The following SPINK5 variants were observed in gnomAD, a reference collection of about 807,000 sequenced individuals.
SPINK5 encodes the protein serine protease inhibitor Kazal-type 5.
Under a neutral mutation model 151.8 loss-of-function variants are expected in SPINK5, and 125 were observed. The observed-to-expected ratio is 0.82, with a 90% CI of 0.71 to 0.96. The LOEUF (loss-of-function observed/expected upper bound fraction) is 0.96, where lower values mean the gene tolerates loss of function less well. Ranked by LOEUF, SPINK5 falls within the 40% of genes least tolerant of loss-of-function variation. The pLI, the probability that SPINK5 is intolerant of heterozygous loss-of-function variation, is 0.00. For missense variants in SPINK5, 1,194 were observed against 1,291.9 expected (o/e 0.92, Z 1.16); for synonymous variants, 374 against 395.3 (o/e 0.95, Z 0.64).
At chr5:148,108,001 A>G (rs1392758742) in intron 17 of SPINK5, among the ~76,000 whole-genome samples, 1 of 152,226 alleles carries the variant, frequency 6.6e-6, no homozygotes, top group African/African-American at 2.4e-5. Context: ...GTGGATGCAT[A>G]CAATTCCCTA....
At chr5:148,126,228 G>T (rs1414197885) in intron 29 of SPINK5, among the ~76,000 whole-genome samples, 1 of 152,024 alleles carries the variant, frequency 6.6e-6, no homozygotes, top group African/African-American at 2.4e-5. Flanking sequence ...GAATCTTGGG[G>T]CTATGGAATT....
In SPINK5 at chr5:148,137,113, C is replaced by A; in HGVS notation, c.*122C>A. ...GTCTTATTTGCTATAGAAAACAATA[C>A]AGAGCTTTTGGGAATGGACTCACTG... On this transcript the variant is annotated 3_prime_UTR_variant, in exon 33 of 33. Coordinates refer to ENST00000256084, the MANE Select transcript of SPINK5 (RefSeq NM_006846.4). 1 of 1,347,786 alleles carries A rather than the reference C, an allele frequency of 7.4e-7. No homozygotes were observed. The highest frequency in any genetic ancestry group is 1.4e-5 in the African/African-American group (1 of 69,052). The allele number at this position is 1,347,786 out of a possible 1,614,324, so 83.5% of individuals were successfully genotyped here.
intron 28 of SPINK5, 135 bp downstream of exon 28, chr5:148,124,972 C>T (rs1252901521): frequency 2.4e-6 from 3 of 1,259,826 alleles, no homozygotes; most frequent in Admixed American, 3.6e-5. Context: ...TGTCTTGTCA[C>T]TTTGTATCAT....
intron 22 of SPINK5, among the ~76,000 whole-genome samples, chr5:148,116,766 C>T (rs1193169135): frequency 1.3e-5 from 2 of 152,176 alleles, no homozygotes; most frequent in Non-Finnish European, 2.9e-5. Flanking sequence ...ATCACATGCT[C>T]TTCATTTTCT....
intron 21 of SPINK5, among the ~76,000 whole-genome samples, chr5:148,114,940 T>C (rs1351035522): frequency 6.6e-6 from 1 of 152,212 alleles, no homozygotes; most frequent in Non-Finnish European, 1.5e-5. Flanking sequence ...AGTCCTTCAA[T>C]AGCATTTACC....
chr5:148,070,945 A>G (rs1474058863), intron 3 of SPINK5, among the ~76,000 whole-genome samples: 2 of 152,086 alleles, frequency 1.3e-5, no homozygotes, highest in African/African-American at 2.4e-5. Flanking sequence ...GACACCTAGC[A>G]TTATTCTAGG....
Sources: allele counts gnomAD v4.1 joint callset (sites outside exome capture counted in the v4.1 genomes callset), GRCh38; gene constraint gnomAD v4.1.1; transcripts MANE v1.5; gene names NCBI Gene and HGNC (gene_info 2026-07-23, HGNC 2026-07-21).